Variants in JPT1 observed in about 807,000 individuals in gnomAD.
The protein encoded by JPT1 is Jupiter microtubule associated homolog 1, also known as androgen-regulated protein 2.
Under a neutral mutation model 17.0 loss-of-function variants are expected in JPT1, and 5 were observed. The ratio of observed to expected loss-of-function variants is 0.29; its 90% CI spans 0.15 to 0.62. The LOEUF (loss-of-function observed/expected upper bound fraction) is 0.62, where lower values mean the gene tolerates loss of function less well. Ranked by LOEUF, JPT1 falls within the 20% of genes least tolerant of loss-of-function variation. The pLI, the probability that JPT1 is intolerant of heterozygous loss-of-function variation, is 0.85. For missense variants in JPT1, 158 were observed against 188.1 expected (o/e 0.84, Z 0.94); for synonymous variants, 71 against 73.6 (o/e 0.96, Z 0.18).
chr17:75,154,431 C>G lies in JPT1; in HGVS notation c.-34G>C, dbSNP rs931966615. On this transcript the variant is annotated 5_prime_UTR_variant, in exon 1 of 5. Coordinates refer to ENST00000409753, the MANE Select transcript of JPT1 (RefSeq NM_016185.4). ...GGAGCGAGGTAGGCTGGCGCCGGAG[C>G]AGAACGCTCAAAGGGTCGGACCCGA... is the stretch of plus-strand genomic sequence containing the variant. 6.5e-7 allele frequency: 1 copy of G among 1,544,280 alleles called. No individual in the cohort carries two copies. Among genetic ancestry groups the G allele is most frequent in the African/African-American group, 1.4e-5 (1 of 72,602 alleles).
chr17:75,138,925 T>C (rs1485734322), intron 4 of JPT1, among the ~76,000 whole-genome samples: 1 of 152,200 alleles, frequency 6.6e-6, no homozygotes, highest in East Asian at 1.9e-4. Context: ...CATAAAATGT[T>C]CTATACTATT....
At chr17:75,151,658 T>G (rs2074555051) in intron 1 of JPT1, among the ~76,000 whole-genome samples, 1 of 149,620 alleles carries the variant, frequency 6.7e-6, no homozygotes, top group African/African-American at 2.5e-5. Flanking sequence ...TGAGACTGTC[T>G]CAAAAAAATA....
In JPT1 at chr17:75,135,736, C is replaced by G; in HGVS notation, c.*366G>C. On this transcript the variant is annotated 3_prime_UTR_variant, in exon 5 of 5. Transcript: ENST00000409753. The stretch of plus-strand genomic sequence containing the variant: ...GGTTGGGGCCTGGCAGGAACGGTGC[C>G]TGTGGACTGTTTATGGTCTGTCCAG... The G allele has an allele frequency of 3.3e-6, 1 of 301,830 alleles. No individual in the cohort carries two copies. The highest frequency in any genetic ancestry group is 6.1e-6 in the Non-Finnish European group (1 of 162,830). The allele number at this position is 301,830 out of a possible 1,614,324, so 18.7% of individuals were successfully genotyped here.
In JPT1 at chr17:75,136,541, G is replaced by C. The variant is rs191702989; in HGVS notation, c.317-291C>G. On this transcript the variant is annotated intron_variant, in intron 4 of 4. Coordinates refer to ENST00000409753, the MANE Select transcript of JPT1 (RefSeq NM_016185.4). ...CGGAGTCTCGCTGTTGCCCAGGCTG[G>C]AGTGCAATGGTGCAGTCTTGGCTCA... is the stretch of plus-strand genomic sequence containing the variant. Among the ~76,000 whole-genome samples, 4 of 152,128 alleles carry C rather than the reference G, an allele frequency of 2.6e-5. No homozygotes were observed. The East Asian group carries it at 7.7e-4, about 29-fold the overall frequency.
At chr17:75,149,922 C>G (rs1028108505) in intron 1 of JPT1, among the ~76,000 whole-genome samples, 1 of 151,642 alleles carries the variant, frequency 6.6e-6, no homozygotes, top group African/African-American at 2.4e-5. Flanking sequence ...CCAAGAAGAG[C>G]TGATAATAGT....
At chr17:75,142,176 T>C (rs1465409353) in intron 4 of JPT1, among the ~76,000 whole-genome samples, 1 of 152,212 alleles carries the variant, frequency 6.6e-6, no homozygotes, top group Non-Finnish European at 1.5e-5. Flanking sequence ...CCCTAACTTC[T>C]AGTTGTATTA....
Position 75,135,331 on chromosome 17 carries a change from C to T in JPT1, c.*771G>A, listed in dbSNP as rs1181660643. Reference sequence around the variant, plus strand: ...CATTTTAAGGATGAGACTTTCCTTTCATGGTCAAGCACCAGCATCATGCAC... The same window carrying T: ...CATTTTAAGGATGAGACTTTCCTTTTATGGTCAAGCACCAGCATCATGCAC... On this transcript the variant is annotated 3_prime_UTR_variant, in exon 5 of 5. Transcript: ENST00000409753. 6.6e-6 allele frequency: 1 copy of T among 152,670 alleles called. No homozygotes were observed. The highest frequency in any genetic ancestry group is 1.5e-5 in the Non-Finnish European group (1 of 68,066). 9.5% of individuals were successfully genotyped at this position (152,670 alleles called of 1,614,324 possible).
At chr17:75,146,469 AAGGATTCTCTGTTTTTTCCCTTC>A in intron 4 of JPT1, 174 bp downstream of exon 4, 1 of 509,138 alleles carries the variant, frequency 2.0e-6, no homozygotes, top group Non-Finnish European at 3.5e-6. Context: ...TGTAATTTTA[AAGGATTCTCTGTTTTTTCCCTTC>A]TATTATGTTT....
Position 75,136,186 on chromosome 17 carries a change from C to T in JPT1, c.381G>A (p.Ala127=), listed in dbSNP as rs749941985. 18 of 1,613,784 alleles carry T rather than the reference C, an allele frequency of 1.1e-5. No homozygotes were observed. The highest frequency in any genetic ancestry group is 3.3e-5 in the Admixed American group (2 of 59,966). The change falls in exon 5 of 5, where the codon GCG becomes GCA. Residue 127 remains alanine (A), a synonymous_variant. Transcript: ENST00000409753. ...CCGGGGCCACCGGGCTGGGCACAGG[C>T]GCAGCAGGCACGGGCTTCTCTTCAC... The part of the protein sequence containing the change: ...GQSEEKPVPA[A]PVPSPVAPAP...
intron 1 of JPT1, among the ~76,000 whole-genome samples, chr17:75,149,658 C>T (rs866219849): frequency 4.6e-5 from 7 of 152,122 alleles, no homozygotes; most frequent in Non-Finnish European, 7.4e-5. Flanking sequence ...TGAGCCACCA[C>T]GCCCAGCCAA....
At chr17:75,150,493 T>G (rs1018329928) in intron 1 of JPT1, among the ~76,000 whole-genome samples, 7 of 152,158 alleles carry the variant, frequency 4.6e-5, no homozygotes, top group African/African-American at 1.7e-4. Flanking sequence ...CCTCAGGTGA[T>G]CCACCCGCCT....
At position 75,149,076 on chromosome 17, in the gene JPT1, C is replaced by A. The variant is rs750679232; in HGVS notation, c.57-405G>T. The A allele has an allele frequency of 4.1e-5, 52 of 1,269,492 alleles. No individual in the cohort carries two copies. The Middle Eastern group carries it at 1.6e-3, about 40-fold the overall frequency. The allele number at this position is 1,269,492 out of a possible 1,614,324, so 78.6% of individuals were successfully genotyped here. A position where few individuals can be genotyped will look rare whatever the true frequency, so the allele number is the denominator to read the frequency against. On this transcript the variant is annotated intron_variant, in intron 1 of 4. Coordinates refer to ENST00000409753, the MANE Select transcript of JPT1 (RefSeq NM_016185.4). The stretch of plus-strand genomic sequence containing the variant: ...TATTCATTTAAAAATCATTTCCAGG[C>A]ACAGTGGCACACACCTGTAATCCCA...
intron 4 of JPT1, 97 bp from the exon 5 acceptor site, chr17:75,136,347 T>A: frequency 7.8e-7 from 1 of 1,288,008 alleles, no homozygotes; most frequent in South Asian, 1.6e-5. Context: ...TTTGGTTTGA[T>A]GGTTGGAAAC....
rs149474270 is a variant in JPT1, at chr17:75,136,157, G to T, written c.410C>A (p.Pro137Gln). The change falls in exon 5 of 5, where the codon CCA (proline) becomes CAA (glutamine). Residue 137 changes from proline to glutamine, a missense_variant. Transcript: ENST00000409753. ...AGGGGGATTTCTTCTGGATGGCACT[G>T]GGGCCGGGGCCACCGGGCTGGGCAC... ...APVPSPVAPA[P>Q]VPSRRNPPGG... 4.7e-5 allele frequency: 76 copies of T among 1,614,196 alleles called. No homozygotes were observed. Among genetic ancestry groups the T allele is most frequent in the Non-Finnish European group, 6.2e-5 (73 of 1,180,036 alleles).
chr17:75,138,599 G>A (rs1316728380), intron 4 of JPT1: 2 of 151,914 alleles, frequency 1.3e-5, no homozygotes, highest in African/African-American at 2.4e-5. Context: ...GTAGAGACCA[G>A]GTTTCACCAT....
chr17:75,147,236 TGG>T (rs1399040310), intron 3 of JPT1, among the ~76,000 whole-genome samples: 3 of 152,208 alleles, frequency 2.0e-5, no homozygotes, highest in African/African-American at 7.2e-5. Flanking sequence ...ACTAGTCTCC[TGG>T]AGTTCAACGC....
chr17:75,147,823 AC>A, intron 2 of JPT1, 170 bp from the exon 3 acceptor site: 3 of 562,204 alleles, frequency 5.3e-6, no homozygotes, highest in South Asian at 2.1e-5. Flanking sequence ...ACATGGTAAA[AC>A]CCTGTCTCTA....
At chr17:75,151,694 G>A (rs1284487624) in intron 1 of JPT1, among the ~76,000 whole-genome samples, 1 of 151,970 alleles carries the variant, frequency 6.6e-6, no homozygotes, top group Admixed American at 6.6e-5. Context: ...ATAAGGCAGG[G>A]CGCAGTGGCT....
At chr17:75,148,906 G>A (rs1295994475) in intron 1 of JPT1, among the ~76,000 whole-genome samples, 2 of 152,122 alleles carry the variant, frequency 1.3e-5, no homozygotes, top group Non-Finnish European at 2.9e-5. Context: ...GATCACACAA[G>A]GCAGCTGAAA....
Sources: gnomAD v4.1 joint callset for allele counts (sites outside exome capture counted in the v4.1 genomes callset) on GRCh38, gnomAD v4.1.1 for gene constraint, MANE v1.5 for transcripts, NCBI Gene and HGNC (gene_info 2026-07-23, HGNC 2026-07-21) for gene names.